Variants in MALRD1 observed in about 807,000 individuals in gnomAD.
The protein encoded by MALRD1 is MAM and LDL-receptor class A domain-containing protein 1.
In MALRD1, 247 loss-of-function variants were observed where a neutral mutation model predicts 242.1. The ratio of observed to expected loss-of-function variants is 1.02; its 90% CI spans 0.92 to 1.13. MALRD1 has a LOEUF of 1.13. Among genes scored for constraint, MALRD1 ranks in the 50% most tolerant of loss-of-function variants. MALRD1 has a pLI of 0.00. For synonymous variants in MALRD1, 995 were observed against 866.6 expected (o/e 1.15, Z -2.60); for missense variants, 2,989 against 2,533.1 (o/e 1.18, Z -3.86).
intron 18 of MALRD1, among the ~76,000 whole-genome samples, chr10:19,255,356 C>T (rs1458323574): frequency 6.6e-6 from 1 of 151,704 alleles, no homozygotes; most frequent in African/African-American, 2.4e-5. Flanking sequence ...TCTATTCGTT[C>T]TCGGGGAAAA....
intron 19 of MALRD1, among the ~76,000 whole-genome samples, chr10:19,263,185 T>C (rs2131824620): frequency 6.6e-6 from 1 of 152,304 alleles, no homozygotes; most frequent in African/African-American, 2.4e-5. Context: ...ATCATGTGGA[T>C]AGTTACATTT....
chr10:19,237,572 A>ATATAATTATAATTATATAATTATATAAT (rs567267564), intron 18 of MALRD1, among the ~76,000 whole-genome samples: 38 of 94,298 alleles, frequency 4.0e-4, no homozygotes, highest in Non-Finnish European at 4.9e-4. Flanking sequence ...ATAAAATTAT[A>ATATAATTATAATTATATAATTATATAAT]TATAATTATA....
intron 34 of MALRD1, among the ~76,000 whole-genome samples, chr10:19,601,531 T>C (rs1838341297): frequency 6.6e-6 from 1 of 152,030 alleles, no homozygotes; most frequent in Non-Finnish European, 1.5e-5. Context: ...GAAACTAATA[T>C]TTTTGTTTAC....
chr10:19,380,935 T>C (rs1232529709), intron 26 of MALRD1, among the ~76,000 whole-genome samples: 1 of 151,934 alleles, frequency 6.6e-6, no homozygotes, highest in Non-Finnish European at 1.5e-5. Flanking sequence ...ATACTTTAGG[T>C]TTTAGGGTAC....
intron 24 of MALRD1, among the ~76,000 whole-genome samples, chr10:19,346,240 T>C (rs180748677): frequency 1.0e-3 from 158 of 152,278 alleles, no homozygotes; most frequent in Non-Finnish European, 2.4e-4. Flanking sequence ...CCAAGTGCAA[T>C]AGAACTTGGA....
chr10:19,470,978 CTTACGTTA>C (rs1232148375), intron 29 of MALRD1, among the ~76,000 whole-genome samples: 20 of 151,786 alleles, frequency 1.3e-4, no homozygotes, highest in African/African-American at 4.6e-4. Context: ...TTTTTGTTGC[CTTACGTTA>C]GGGGTTGACA....
chr10:19,181,599 A>G (rs1564448729), intron 14 of MALRD1, among the ~76,000 whole-genome samples: 1 of 152,200 alleles, frequency 6.6e-6, no homozygotes, highest in African/African-American at 2.4e-5. Context: ...TGTAACAGAT[A>G]TGGAGGAGAA....
Position 19,136,137 on chromosome 10 carries a change from A to G in MALRD1, c.1204-437A>G, listed in dbSNP as rs528083200. Among the ~76,000 whole-genome samples the G allele has an allele frequency of 3.3e-5, 5 of 152,320 alleles. No homozygotes were observed. The East Asian group carries it at 9.7e-4, about 29-fold the overall frequency. On this transcript the variant is annotated intron_variant, in intron 9 of 39. Coordinates refer to ENST00000454679, the MANE Select transcript of MALRD1 (RefSeq NM_001142308.3). ...AATTTCACTAGTTAAAAAATAAGTC[A>G]GATGCAGTTACAGCTCTTGTTCTAT...
At chr10:19,642,341 T>C (rs755332390) in intron 36 of MALRD1, among the ~76,000 whole-genome samples, 2 of 152,168 alleles carry the variant, frequency 1.3e-5, no homozygotes, top group Non-Finnish European at 2.9e-5. Flanking sequence ...ACTGTACTCA[T>C]GCTTTTGAAA....
chr10:19,440,612 C>A (rs749345384), intron 28 of MALRD1, among the ~76,000 whole-genome samples: 1 of 151,998 alleles, frequency 6.6e-6, no homozygotes, highest in Admixed American at 6.6e-5. Context: ...TCTATTCTTG[C>A]GATAGTTTTC....
At chr10:19,428,256 G>C (rs1035535181) in intron 28 of MALRD1, among the ~76,000 whole-genome samples, 2 of 151,598 alleles carry the variant, frequency 1.3e-5, no homozygotes, top group Non-Finnish European at 2.9e-5. Context: ...TTCATCAAAG[G>C]TTTTCCTTCT....
chr10:19,519,327 CAT>C (rs1342011834), intron 31 of MALRD1, among the ~76,000 whole-genome samples: 1 of 152,008 alleles, frequency 6.6e-6, no homozygotes, highest in Non-Finnish European at 1.5e-5. Flanking sequence ...GCCACCAAAA[CAT>C]ATAAGCATGA....
chr10:19,095,068 A>G (rs944785689), intron 4 of MALRD1, among the ~76,000 whole-genome samples: 1 of 152,220 alleles, frequency 6.6e-6, no homozygotes. Context: ...TTAGAATGAT[A>G]TAATAATTTC....
chr10:19,333,153 T>A (rs560908286), intron 24 of MALRD1, among the ~76,000 whole-genome samples: 4 of 152,156 alleles, frequency 2.6e-5, no homozygotes, highest in East Asian at 3.9e-4. Context: ...AAAAAAAAAA[T>A]TATTTCAACT....
intron 14 of MALRD1, among the ~76,000 whole-genome samples, chr10:19,176,366 C>CCTTTTTTTTTTTTTTTTTTTTTTTTT (rs1484132630): frequency 8.0e-5 from 7 of 87,296 alleles, no homozygotes; most frequent in African/African-American, 2.6e-4. Context: ...TTTCTGGGTG[C>CCTTTTTTTTTTTTTTTTTTTTTTTTT]TTTTTTTTTT....
intron 36 of MALRD1, among the ~76,000 whole-genome samples, chr10:19,690,104 C>G (rs1271337830): frequency 6.6e-6 from 1 of 151,966 alleles, no homozygotes; most frequent in Non-Finnish European, 1.5e-5. Context: ...TCATTTTTCT[C>G]TAAAATCTTT....
intron 14 of MALRD1, among the ~76,000 whole-genome samples, chr10:19,199,676 C>G (rs552130503): frequency 6.6e-6 from 1 of 152,222 alleles, no homozygotes; most frequent in South Asian, 2.1e-4. Context: ...TGGCAGGCAC[C>G]TGTAATCCCA....
intron 36 of MALRD1, among the ~76,000 whole-genome samples, chr10:19,630,894 A>G (rs1392696316): frequency 1.3e-5 from 2 of 152,198 alleles, no homozygotes; most frequent in Non-Finnish European, 2.9e-5. Flanking sequence ...ATATAAAACT[A>G]AATTAGTCAT....
chr10:19,619,684 A>G (rs1839316417), intron 36 of MALRD1, among the ~76,000 whole-genome samples: 1 of 152,108 alleles, frequency 6.6e-6, no homozygotes. Flanking sequence ...AAAGTGTAAC[A>G]TTATATACTG....
Sources: allele counts gnomAD v4.1 joint callset (sites outside exome capture counted in the v4.1 genomes callset), GRCh38; gene constraint gnomAD v4.1.1; transcripts MANE v1.5; gene names NCBI Gene and HGNC (gene_info 2026-07-23, HGNC 2026-07-21).